The following SPAG16 variants were observed in gnomAD, a reference collection of about 807,000 sequenced individuals.
SPAG16 encodes the protein sperm associated antigen 16.
A neutral mutation model predicts 80.4 loss-of-function variants in SPAG16; 86 were observed. The ratio of observed to expected loss-of-function variants is 1.07; its 90% confidence interval spans 0.90 to 1.28. The LOEUF (loss-of-function observed/expected upper bound fraction) is 1.28, where lower values mean the gene tolerates loss of function less well. Among genes scored for constraint, SPAG16 ranks in the 50% most tolerant of loss-of-function variants. The pLI is 0.00. For synonymous variants in SPAG16, 294 were observed against 265.9 expected, an observed-to-expected ratio of 1.11 and a Z score of -1.03; for missense variants, 870 against 765.3, an observed-to-expected ratio of 1.14 and a Z score of -1.61.
chr2:214,395,397 G>A (rs897701186), intron 15 of SPAG16, among the ~76,000 whole-genome samples: 1 of 152,158 alleles, frequency 6.6e-6, no homozygotes, highest in Non-Finnish European at 1.5e-5. Flanking sequence ...GGTGTATGTG[G>A]TACCTTACTG....
chr2:213,576,270 C>G (rs1364669803), intron 10 of SPAG16, among the ~76,000 whole-genome samples: 1 of 152,048 alleles, frequency 6.6e-6, no homozygotes, highest in Non-Finnish European at 1.5e-5. Context: ...CTATTCTGTT[C>G]CATTTGTCTG....
At position 213,821,656 on chromosome 2, in the gene SPAG16, A is replaced by T. The variant is rs959712601; in HGVS notation, c.1071-40829A>T. ...TATCAAATATGAAATCCTATTCTTT[A>T]TAACTAATTTTTGTAACCATTAAAC... On this transcript the variant is annotated intron_variant, in intron 10 of 15. Coordinates refer to ENST00000331683, the MANE Select transcript of SPAG16 (RefSeq NM_024532.5). Among the ~76,000 whole-genome samples, 3 of 152,262 alleles carry T rather than the reference A, an allele frequency of 2.0e-5. No individual in the cohort carries two copies. In the South Asian group the frequency reaches 6.2e-4, roughly 32 times the overall value.
At chr2:213,809,599 T>A (rs1191884941) in intron 10 of SPAG16, among the ~76,000 whole-genome samples, 1 of 152,098 alleles carries the variant, frequency 6.6e-6, no homozygotes, top group Non-Finnish European at 1.5e-5. Flanking sequence ...ATTTTCCCAA[T>A]GAAAACAAGC....
intron 9 of SPAG16, among the ~76,000 whole-genome samples, chr2:213,471,665 A>G (rs148538089): frequency 1.3e-5 from 2 of 152,184 alleles, no homozygotes; most frequent in East Asian, 1.9e-4. Flanking sequence ...TTGCTGGGTC[A>G]TATGGCCCAA....
intron 15 of SPAG16, among the ~76,000 whole-genome samples, chr2:214,184,769 C>A (rs895646986): frequency 7.2e-5 from 11 of 152,086 alleles, no homozygotes; most frequent in African/African-American, 2.7e-4. Context: ...TATAATTCAA[C>A]AAATCACTTT....
At chr2:214,253,014 T>C (rs968640653) in intron 15 of SPAG16, among the ~76,000 whole-genome samples, 5 of 152,136 alleles carry the variant, frequency 3.3e-5, no homozygotes, top group Admixed American at 6.5e-5. Context: ...TGGTATCTCA[T>C]TGTGGTTTGG....
At chr2:214,177,442 A>T (rs1295294552) in intron 15 of SPAG16, among the ~76,000 whole-genome samples, 1 of 151,040 alleles carries the variant, frequency 6.6e-6, no homozygotes, top group African/African-American at 2.4e-5. Flanking sequence ...TATTCCAGGA[A>T]TTCTCAGGAT....
At chr2:213,891,268 T>C (rs2076777123) in intron 11 of SPAG16, among the ~76,000 whole-genome samples, 1 of 152,114 alleles carries the variant, frequency 6.6e-6, no homozygotes, top group African/African-American at 2.4e-5. Flanking sequence ...AAGTTTATCA[T>C]TGGCATGCAT....
At chr2:213,567,565 T>C (rs2059818526) in intron 10 of SPAG16, among the ~76,000 whole-genome samples, 1 of 108,168 alleles carries the variant, frequency 9.2e-6, no homozygotes, top group African/African-American at 4.6e-5. Context: ...TATGAACTCA[T>C]CATTTTTTAT....
At position 213,800,442 on chromosome 2, in the gene SPAG16, C is replaced by A. The variant is rs557660809; in HGVS notation, c.1071-62043C>A. Among the ~76,000 whole-genome samples, 138 of 151,634 alleles carry A rather than the reference C, an allele frequency of 9.1e-4. 2 individuals are homozygous for A. The highest frequency in any genetic ancestry group is 1.5e-3 in the Non-Finnish European group (105 of 67,920). ...AGTGTGGGGGCACAATCATAGCTCA[C>A]TGTAATCTCAAACTCCTGGGTTTGA... On this transcript the variant is annotated intron_variant, in intron 10 of 15. Transcript: ENST00000331683.
intron 10 of SPAG16, among the ~76,000 whole-genome samples, chr2:213,717,431 A>T (rs1346281412): frequency 1.3e-5 from 2 of 152,058 alleles, no homozygotes; most frequent in East Asian, 3.9e-4. Context: ...AAGTGCTGGG[A>T]TTACAGGTGT....
chr2:213,465,729 C>T (rs1025652057), intron 9 of SPAG16, among the ~76,000 whole-genome samples: 29 of 152,168 alleles, frequency 1.9e-4, no homozygotes, highest in Admixed American at 1.2e-3. Context: ...GCTAAGCTAC[C>T]GCTGCAACTG....
At chr2:213,433,056 A>G (rs1405088391) in intron 9 of SPAG16, among the ~76,000 whole-genome samples, 1 of 152,184 alleles carries the variant, frequency 6.6e-6, no homozygotes, top group African/African-American at 2.4e-5. Flanking sequence ...TTCCAGCATC[A>G]TTTCGCTATA....
intron 12 of SPAG16, among the ~76,000 whole-genome samples, chr2:213,977,179 G>A (rs1575705457): frequency 6.6e-6 from 1 of 152,068 alleles, no homozygotes; most frequent in East Asian, 1.9e-4. Context: ...GGACTGTATT[G>A]GAGGTTACTA....
At chr2:214,027,566 C>T (rs1421656072) in intron 13 of SPAG16, among the ~76,000 whole-genome samples, 1 of 151,688 alleles carries the variant, frequency 6.6e-6, no homozygotes, top group Non-Finnish European at 1.5e-5. Context: ...GATAAAGGAT[C>T]TATAAGATGT....
chr2:214,309,695 A>G (rs1576744498), intron 15 of SPAG16, among the ~76,000 whole-genome samples: 1 of 152,154 alleles, frequency 6.6e-6, no homozygotes, highest in African/African-American at 2.4e-5. Flanking sequence ...TGGACTGTGT[A>G]CTATAATTCT....
intron 10 of SPAG16, among the ~76,000 whole-genome samples, chr2:213,616,586 A>G (rs1034684120): frequency 2.0e-5 from 3 of 152,190 alleles, no homozygotes; most frequent in Admixed American, 6.5e-5. Context: ...TCAAAATATG[A>G]TCTGCTTTAG....
chr2:213,350,948 A>T (rs192161156), intron 7 of SPAG16, among the ~76,000 whole-genome samples: 50 of 149,002 alleles, frequency 3.4e-4, no homozygotes, highest in Admixed American at 2.0e-3. Context: ...ATATGGTGAA[A>T]ACCTGTCTCT....
chr2:213,642,681 C>T lies in SPAG16; in HGVS notation c.1070+152591C>T, dbSNP rs1276089334. Among the ~76,000 whole-genome samples, 7 of 61,408 alleles carry T rather than the reference C, an allele frequency of 1.1e-4. 1 individual carries two copies. The highest frequency in any genetic ancestry group is 4.1e-4 in the South Asian group (1 of 2,456). The allele number at this position is 61,408 out of a possible 152,430, so 40.3% of individuals were successfully genotyped here. Reference sequence around the variant, plus strand: ...CTAAAAATACAAAAAATTAGCCGGGCGTAGTGGCGGGCGCCTGTAGTCCCA... The same window carrying T: ...CTAAAAATACAAAAAATTAGCCGGGTGTAGTGGCGGGCGCCTGTAGTCCCA... On this transcript the variant is annotated intron_variant, in intron 10 of 15. Coordinates refer to ENST00000331683, the MANE Select transcript of SPAG16 (RefSeq NM_024532.5).
Sources: allele counts gnomAD v4.1 joint callset (sites outside exome capture counted in the v4.1 genomes callset), GRCh38; gene constraint gnomAD v4.1.1; transcripts MANE v1.5; gene names NCBI Gene and HGNC (gene_info 2026-07-23, HGNC 2026-07-21).